TNFSF4: variants seen among roughly 807,000 people sequenced by gnomAD.
TNFSF4 encodes tumor necrosis factor ligand superfamily member 4.
Under a neutral mutation model 7.3 loss-of-function variants are expected in TNFSF4, and 4 were observed. That is an observed-to-expected ratio of 0.55 (90% CI 0.27 to 1.25). The LOEUF (loss-of-function observed/expected upper bound fraction) is 1.25. TNFSF4 is among the 50% of genes most tolerant of loss of function. The pLI is 0.12. For missense variants in TNFSF4, 181 were observed against 208.8 expected, an observed-to-expected ratio of 0.87 and a Z score of 0.82; for synonymous variants, 76 against 83.7, an observed-to-expected ratio of 0.91 and a Z score of 0.50.
chr1:173,448,758 G>C, the TNFSF4 span, among the ~76,000 whole-genome samples: 6 of 152,120 alleles, frequency 3.9e-5, no homozygotes, highest in African/African-American at 1.4e-4. Flanking sequence ...AGGCGGGGCA[G>C]GGCATTTTCA....
At chr1:173,301,957 G>A in the TNFSF4 span, among the ~76,000 whole-genome samples, 5 of 151,746 alleles carry the variant, frequency 3.3e-5, no homozygotes, top group East Asian at 1.9e-4. Flanking sequence ...CAATTCACTC[G>A]TTTTTCTTTG....
chr1:173,300,155 T>TGACA, the TNFSF4 span, among the ~76,000 whole-genome samples: 2 of 126,720 alleles, frequency 1.6e-5, no homozygotes, highest in African/African-American at 6.4e-5. Context: ...AATAGATGAT[T>TGACA]GATAGATACA....
the TNFSF4 span, among the ~76,000 whole-genome samples, chr1:173,364,100 T>C: frequency 6.6e-6 from 1 of 151,976 alleles, no homozygotes; most frequent in Non-Finnish European, 1.5e-5. Context: ...TACAAAGATA[T>C]TTTTATGGAT....
the TNFSF4 span, among the ~76,000 whole-genome samples, chr1:173,428,278 T>C: frequency 2.6e-5 from 4 of 152,242 alleles, no homozygotes; most frequent in Admixed American, 6.5e-5. Context: ...CCATCCATAA[T>C]GGTTCATCGT....
chr1:173,346,246 T>C, the TNFSF4 span, among the ~76,000 whole-genome samples: 2 of 152,082 alleles, frequency 1.3e-5, no homozygotes, highest in Non-Finnish European at 2.9e-5. Context: ...GAAATACATA[T>C]GCTATCCAGA....
At chr1:173,337,441 T>C in the TNFSF4 span, among the ~76,000 whole-genome samples, 10 of 152,284 alleles carry the variant, frequency 6.6e-5, no homozygotes, top group South Asian at 2.1e-4. Flanking sequence ...CACAAGTATG[T>C]CCACTGCCCC....
the TNFSF4 span, among the ~76,000 whole-genome samples, chr1:173,259,525 G>A: frequency 6.6e-6 from 1 of 152,224 alleles, no homozygotes; most frequent in East Asian, 1.9e-4. Context: ...GGCTTCAGAA[G>A]ATGGGTAATG....
the TNFSF4 span, among the ~76,000 whole-genome samples, chr1:173,334,440 C>T: frequency 6.6e-6 from 1 of 152,350 alleles, no homozygotes; most frequent in South Asian, 2.1e-4. Flanking sequence ...TCTGCTTAAA[C>T]TGTGCAAATA....
the TNFSF4 span, among the ~76,000 whole-genome samples, chr1:173,416,848 C>T: frequency 2.5e-4 from 38 of 151,998 alleles, no homozygotes; most frequent in African/African-American, 8.7e-4. Context: ...CCACCCGCCT[C>T]GGCCTCCCAA....
At chr1:173,177,104 T>G in the TNFSF4 span, among the ~76,000 whole-genome samples, 1 of 152,152 alleles carries the variant, frequency 6.6e-6, no homozygotes, top group Non-Finnish European at 1.5e-5. Context: ...AACCCACACA[T>G]GTAGCCCTGA....
chr1:173,186,600 G>A lies in TNFSF4; in HGVS notation c.468C>T (p.Asp156=). ...KDKVYLNVTT[D]NTSLDDFHVN... ...CATGGAAGTCATCCAGGGAGGTATT[G>A]TCAGTGGTCACATTCAAGTAGACTT... The change falls in exon 3 of 3, where the codon GAC becomes GAT. Residue 156 remains aspartate, a synonymous_variant. Transcript: ENST00000281834. The A allele has an allele frequency of 6.2e-7, 1 of 1,614,186 alleles. No individual in the cohort carries two copies. Among genetic ancestry groups the A allele is most frequent in the East Asian group, 2.2e-5 (1 of 44,890 alleles).
chr1:173,276,949 T>C, the TNFSF4 span, among the ~76,000 whole-genome samples: 2 of 152,108 alleles, frequency 1.3e-5, no homozygotes, highest in African/African-American at 2.4e-5. Flanking sequence ...AGTATTTCTC[T>C]TCCCTTCATA....
chr1:173,438,436 C>T, the TNFSF4 span, among the ~76,000 whole-genome samples: 1 of 152,126 alleles, frequency 6.6e-6, no homozygotes. Context: ...TAAAAAGTAT[C>T]TCACTGTAGA....
At chr1:173,268,386 A>T in the TNFSF4 span, among the ~76,000 whole-genome samples, 1 of 152,158 alleles carries the variant, frequency 6.6e-6, no homozygotes. Flanking sequence ...CTAGAAGCAG[A>T]AGAAGCTAAA....
the TNFSF4 span, among the ~76,000 whole-genome samples, chr1:173,414,457 T>C: frequency 6.6e-6 from 1 of 152,294 alleles, no homozygotes; most frequent in South Asian, 2.1e-4. Context: ...AAATGAATTA[T>C]TGGGGGACGC....
At chr1:173,253,374 A>G in the TNFSF4 span, among the ~76,000 whole-genome samples, 7 of 152,366 alleles carry the variant, frequency 4.6e-5, no homozygotes, top group South Asian at 1.5e-3. Flanking sequence ...CTAGAGGAAC[A>G]GGATCCATAG....
the TNFSF4 span, among the ~76,000 whole-genome samples, chr1:173,218,388 C>T: frequency 6.6e-6 from 1 of 152,226 alleles, no homozygotes; most frequent in South Asian, 2.1e-4. Flanking sequence ...AGTCTCAGCA[C>T]CCAAGAGCTC....
At chr1:173,336,465 A>G in the TNFSF4 span, among the ~76,000 whole-genome samples, 2 of 152,186 alleles carry the variant, frequency 1.3e-5, no homozygotes, top group Non-Finnish European at 1.5e-5. Context: ...GCAGCTATTG[A>G]TGAGGCAAAT....
the TNFSF4 span, among the ~76,000 whole-genome samples, chr1:173,386,657 A>G: frequency 1.3e-5 from 2 of 152,236 alleles, no homozygotes; most frequent in South Asian, 4.2e-4. Flanking sequence ...AGACCTGTAG[A>G]GCCATCAGCA....
Sources: allele counts gnomAD v4.1 joint callset (sites outside exome capture counted in the v4.1 genomes callset), GRCh38; gene constraint gnomAD v4.1.1; transcripts MANE v1.5; gene names NCBI Gene and HGNC (gene_info 2026-07-23, HGNC 2026-07-21).